PPP1CB: variants seen among roughly 807,000 people sequenced by gnomAD.
PPP1CB encodes the protein serine/threonine-protein phosphatase PP1-beta catalytic subunit.
PPP1CB carries 2 observed loss-of-function variants against 43.7 expected under a neutral mutation model. The observed-to-expected ratio is 0.05, with a 90% confidence interval of 0.02 to 0.14. The LOEUF (loss-of-function observed/expected upper bound fraction) is 0.14, where lower values mean the gene tolerates loss of function less well. Ranked by LOEUF, PPP1CB falls within the 10% of genes least tolerant of loss-of-function variation. The pLI is 1.00. For missense variants in PPP1CB, 84 were observed against 398.0 expected (o/e 0.21, Z 6.71); for synonymous variants, 136 against 135.6 (o/e 1.00, Z -0.02).
chr2:28,781,014 A>C (rs1362070458), intron 3 of PPP1CB, among the ~76,000 whole-genome samples: 2 of 152,116 alleles, frequency 1.3e-5, no homozygotes, highest in African/African-American at 4.8e-5. Context: ...TTCCAGAGGC[A>C]CCTTTTCACT....
rs1198719170 is a variant in PPP1CB at position 28,751,903 on chromosome 2, CTT to C, written c.-221_-220del. The C allele has an allele frequency of 3.0e-5, 18 of 601,256 alleles. No homozygotes were observed. Among genetic ancestry groups the C allele is most frequent in the Non-Finnish European group, 5.1e-5 (17 of 336,114 alleles). 37.2% of individuals were successfully genotyped at this position (601,256 alleles called of 1,614,324 possible). A position where few individuals can be genotyped will look rare whatever the true frequency, so the allele number is the denominator to read the frequency against. On this transcript the variant is annotated 5_prime_UTR_variant, in exon 1 of 8. Coordinates refer to ENST00000395366, the MANE Select transcript of PPP1CB (RefSeq NM_002709.3). ...CGCGGCCCTGTTCGAGGGGGCCTCT[CTT>C]GTTTATTTATTTATTTTCCGTGGGT...
chr2:28,752,261 G>C, intron 1 of PPP1CB, 85 bp downstream of exon 1: 1 of 1,277,282 alleles, frequency 7.8e-7, no homozygotes, highest in South Asian at 1.4e-5. Flanking sequence ...GGAACGCGAG[G>C]GGACCCCTTT....
At chr2:28,787,583 A>T (rs888571521) in intron 5 of PPP1CB, among the ~76,000 whole-genome samples, 1 of 152,220 alleles carries the variant, frequency 6.6e-6, no homozygotes, top group South Asian at 2.1e-4. Context: ...GTTACCCTCA[A>T]TCACCAAGAA....
chr2:28,784,648 G>A (rs999616344), intron 5 of PPP1CB, among the ~76,000 whole-genome samples: 15 of 151,986 alleles, frequency 9.9e-5, no homozygotes, highest in Admixed American at 3.9e-4. Context: ...GGGAGCAGTG[G>A]CACTCACGCC....
intron 3 of PPP1CB, among the ~76,000 whole-genome samples, chr2:28,781,223 T>C (rs1255629374): frequency 3.3e-5 from 5 of 152,144 alleles, no homozygotes; most frequent in African/African-American, 1.2e-4. Context: ...GTTTATTTTA[T>C]TTGTCAGAAA....
At chr2:28,774,752 C>T (rs538478007) in intron 1 of PPP1CB, among the ~76,000 whole-genome samples, 2 of 152,130 alleles carry the variant, frequency 1.3e-5, no homozygotes, top group South Asian at 2.1e-4. Flanking sequence ...AAACTAAAAT[C>T]TTCCACATTT....
chr2:28,794,814 C>T (rs949933764), intron 7 of PPP1CB, among the ~76,000 whole-genome samples: 19 of 151,920 alleles, frequency 1.3e-4, no homozygotes, highest in Admixed American at 7.2e-4. Flanking sequence ...ATACCATGTA[C>T]GGGGGGTTGT....
rs2148065928 is a variant in PPP1CB, at chr2:28,801,727, G to T, written c.*2424G>T. The T allele has an allele frequency of 6.6e-6, 1 of 151,834 alleles. No individual in the cohort carries two copies. Among genetic ancestry groups the T allele is most frequent in the Non-Finnish European group, 1.5e-5 (1 of 67,916 alleles). 9.4% of individuals were successfully genotyped at this position (151,834 alleles called of 1,614,324 possible). ...TTTTTTTCAGGTTAGTGATTTTTTT[G>T]TATACAATTTAATCCAAATGTTATG... On this transcript the variant is annotated 3_prime_UTR_variant, in exon 8 of 8. Coordinates refer to ENST00000395366, the MANE Select transcript of PPP1CB (RefSeq NM_002709.3).
chr2:28,791,317 A>G (rs1667378990), intron 6 of PPP1CB, among the ~76,000 whole-genome samples: 1 of 151,630 alleles, frequency 6.6e-6, no homozygotes, highest in Non-Finnish European at 1.5e-5. Context: ...TTGGCAAAGT[A>G]GTTTTTTGTT....
chr2:28,798,806 CATAA>C (rs1370535579), intron 7 of PPP1CB, among the ~76,000 whole-genome samples: 8 of 152,080 alleles, frequency 5.3e-5, no homozygotes, highest in East Asian at 3.9e-4. Flanking sequence ...TCTATTTATA[CATAA>C]ATAAATAAGG....
intron 7 of PPP1CB, among the ~76,000 whole-genome samples, chr2:28,796,274 C>T (rs1038041739): frequency 6.6e-6 from 1 of 152,074 alleles, no homozygotes; most frequent in Admixed American, 6.6e-5. Context: ...GCTATTCGGG[C>T]TCTTTTTCAA....
chr2:28,758,749 AC>A (rs1376008440), intron 1 of PPP1CB, among the ~76,000 whole-genome samples: 1 of 152,180 alleles, frequency 6.6e-6, no homozygotes, highest in Non-Finnish European at 1.5e-5. Context: ...AGTATGTATA[AC>A]CTTCGTGAAC....
rs1453997983 is a variant in PPP1CB at position 28,778,885 on chromosome 2, T to C, written c.261T>C (p.Leu87=). The C allele has an allele frequency of 3.1e-6, 5 of 1,610,318 alleles. No individual in the cohort carries two copies. Among genetic ancestry groups the C allele is most frequent in the Admixed American group, 3.3e-5 (2 of 59,994 alleles). The stretch of plus-strand genomic sequence containing the variant: ...GTTTCCCACCAGAAGCCAACTATCT[T>C]TTCTTAGGAGATTATGTGGACAGAG... ...YGGFPPEANY[L]FLGDYVDRGK... is the part of the protein sequence containing the mutation. The change falls in exon 3 of 8, where the codon CTT becomes CTC. Residue 87 remains leucine, a synonymous_variant. Coordinates refer to ENST00000395366, the MANE Select transcript of PPP1CB (RefSeq NM_002709.3).
At chr2:28,788,953 G>A (rs907424912) in intron 6 of PPP1CB, 144 bp downstream of exon 6, 16 of 797,676 alleles carry the variant, frequency 2.0e-5, no homozygotes, top group Non-Finnish European at 2.6e-5. Context: ...TGCCTCCCGG[G>A]TTCAGGCAGT....
At chr2:28,753,344 G>A (rs1173630361) in intron 1 of PPP1CB, among the ~76,000 whole-genome samples, 1 of 152,282 alleles carries the variant, frequency 6.6e-6, no homozygotes, top group South Asian at 2.1e-4. Context: ...AATGGGGGAG[G>A]GGTAATTCCT....
intron 5 of PPP1CB, among the ~76,000 whole-genome samples, chr2:28,788,432 T>C (rs1185572295): frequency 2.0e-5 from 3 of 152,118 alleles, no homozygotes; most frequent in African/African-American, 7.2e-5. Context: ...GTGGAAAGGG[T>C]TGGAAAGTAC....
chr2:28,760,918 C>G (rs577913835), intron 1 of PPP1CB, among the ~76,000 whole-genome samples: 4 of 151,904 alleles, frequency 2.6e-5, no homozygotes, highest in Admixed American at 6.6e-5. Context: ...TTCTTTTTTC[C>G]GAGATGGAGT....
In PPP1CB at chr2:28,801,262, T is replaced by C. The variant is rs754290726; in HGVS notation, c.*1959T>C. ...TGAGCGATTTCTAATAAAATTTTAG[T>C]TGTACACTTTTAGTAGTCATAGTGA... On this transcript the variant is annotated 3_prime_UTR_variant, in exon 8 of 8. Coordinates refer to ENST00000395366, the MANE Select transcript of PPP1CB (RefSeq NM_002709.3). 6.6e-6 allele frequency: 1 copy of C among 152,132 alleles called. No homozygotes were observed. The highest frequency in any genetic ancestry group is 1.5e-5 in the Non-Finnish European group (1 of 67,974). 9.4% of individuals were successfully genotyped at this position (152,132 alleles called of 1,614,324 possible).
intron 1 of PPP1CB, among the ~76,000 whole-genome samples, chr2:28,775,635 C>G (rs1002158461): frequency 6.6e-6 from 1 of 152,164 alleles, no homozygotes; most frequent in Admixed American, 6.5e-5. Flanking sequence ...CTTTGACCCC[C>G]TAAAGTGCTG....
Sources: gnomAD v4.1 joint callset for allele counts (sites outside exome capture counted in the v4.1 genomes callset) on GRCh38, gnomAD v4.1.1 for gene constraint, MANE v1.5 for transcripts, NCBI Gene and HGNC (gene_info 2026-07-23, HGNC 2026-07-21) for gene names.